Variants in ZNF790 observed in about 807,000 individuals in gnomAD.
ZNF790 encodes zinc finger protein 790.
ZNF790 carries 8 observed loss-of-function variants against 12.1 expected under a neutral mutation model. The observed-to-expected ratio is 0.66, with a 90% CI of 0.39 to 1.19. The LOEUF (loss-of-function observed/expected upper bound fraction) is 1.19, where lower values mean the gene tolerates loss of function less well. Ranked by LOEUF, ZNF790 falls within the 50% of genes most tolerant of loss-of-function variation. The pLI is 0.01. For missense variants in ZNF790, 707 were observed against 752.2 expected (o/e 0.94, Z 0.70); for synonymous variants, 252 against 244.3 (o/e 1.03, Z -0.29).
At chr19:36,849,124 A>C (rs1176992391) in intron 1 of ZNF790, among the ~76,000 whole-genome samples, 1 of 151,868 alleles carries the variant, frequency 6.6e-6, no homozygotes, top group East Asian at 1.9e-4. Flanking sequence ...GTTTGTAGAG[A>C]GTATGCTGTT....
intron 1 of ZNF790, among the ~76,000 whole-genome samples, chr19:36,844,656 T>A (rs1379154525): frequency 6.6e-6 from 1 of 151,994 alleles, no homozygotes. Flanking sequence ...ATATATAACC[T>A]AGAATTCTAT....
At chr19:36,844,787 G>T (rs2072161759) in intron 1 of ZNF790, among the ~76,000 whole-genome samples, 1 of 151,952 alleles carries the variant, frequency 6.6e-6, no homozygotes, top group South Asian at 2.1e-4. Flanking sequence ...GGTGGCTCAC[G>T]CCTGTAATCC....
At chr19:36,825,549 A>C in intron 2 of ZNF790, 62 bp downstream of exon 2, 1 of 1,541,958 alleles carries the variant, frequency 6.5e-7, no homozygotes, top group Non-Finnish European at 9.0e-7. Flanking sequence ...TAAGCAATAA[A>C]AATATTCACA....
chr19:36,846,572 A>AG (rs1568345217), intron 1 of ZNF790, among the ~76,000 whole-genome samples: 3 of 152,230 alleles, frequency 2.0e-5, no homozygotes, highest in Non-Finnish European at 4.4e-5. Flanking sequence ...TCAAAAAAAA[A>AG]AAGAGCTCAA....
intron 1 of ZNF790, among the ~76,000 whole-genome samples, chr19:36,846,285 G>A (rs2072179876): frequency 2.0e-5 from 3 of 152,126 alleles, no homozygotes; most frequent in Admixed American, 6.5e-5. Context: ...GAGGCCAGGC[G>A]CAGTGGCTCA....
chr19:36,840,050 C>G (rs368802483), upstream of ZNF790, among the ~76,000 whole-genome samples: 1 of 151,914 alleles, frequency 6.6e-6, no homozygotes, highest in Non-Finnish European at 1.5e-5. Context: ...GCGACAAGAG[C>G]GAAACTCCAT....
upstream of ZNF790, among the ~76,000 whole-genome samples, chr19:36,839,711 C>CCCAGCT (rs1210997582): frequency 6.6e-6 from 1 of 151,986 alleles, no homozygotes; most frequent in Admixed American, 6.6e-5. Context: ...ATTTCTGATA[C>CCCAGCT]CCAGCTCCAG....
chr19:36,839,389 CTTTT>C (rs907583687), upstream of ZNF790, among the ~76,000 whole-genome samples: 4 of 152,098 alleles, frequency 2.6e-5, no homozygotes, highest in African/African-American at 9.7e-5. Flanking sequence ...GATCATTTCT[CTTTT>C]TGTTTGTTTG....
intron 1 of ZNF790, among the ~76,000 whole-genome samples, chr19:36,849,799 GCCCCC>G (rs141424066): frequency 4.0e-5 from 6 of 150,300 alleles, no homozygotes; most frequent in Non-Finnish European, 8.9e-5. Context: ...ACACGATCTT[GCCCCC>G]CCCACCTCCA....
intron 1 of ZNF790, among the ~76,000 whole-genome samples, chr19:36,844,019 A>AT (rs1219942451): frequency 1.3e-5 from 2 of 149,652 alleles, no homozygotes; most frequent in African/African-American, 5.0e-5. Context: ...AAAAAAAAAA[A>AT]AAATTAAAAA....
At chr19:36,850,770 G>C (rs1371804043), upstream of ZNF790, 6 of 152,216 alleles carry the variant, frequency 3.9e-5, no homozygotes, top group Admixed American at 2.0e-4. Context: ...TGTAGCTTTC[G>C]GCAACCTGTC....
intron 2 of ZNF790, among the ~76,000 whole-genome samples, chr19:36,824,047 A>T (rs1173422440): frequency 2.3e-5 from 3 of 129,866 alleles, no homozygotes; most frequent in African/African-American, 9.2e-5. Flanking sequence ...CCCAGGCTGG[A>T]GTGCGGTGGT....
intron 1 of ZNF790, among the ~76,000 whole-genome samples, chr19:36,832,593 G>A (rs1600665048): frequency 6.6e-6 from 1 of 152,210 alleles, no homozygotes; most frequent in African/African-American, 2.4e-5. Flanking sequence ...TCTAGTCCCT[G>A]TTATGCCTTC....
intron 1 of ZNF790, among the ~76,000 whole-genome samples, chr19:36,827,344 C>T (rs1324650645): frequency 2.0e-5 from 3 of 151,706 alleles, no homozygotes; most frequent in Non-Finnish European, 2.9e-5. Context: ...GAGGAGAGGT[C>T]TCATGAAGCT....
At chr19:36,825,531 T>G in intron 2 of ZNF790, 80 bp downstream of exon 2, 1 of 1,409,226 alleles carries the variant, frequency 7.1e-7, no homozygotes, top group Non-Finnish European at 1.0e-6. Context: ...AGGTAAGCAG[T>G]TTAAGGATAA....
chr19:36,827,117 T>TACACACACACACACACACACACACACAC (rs760453936), intron 1 of ZNF790, among the ~76,000 whole-genome samples: 5 of 60,928 alleles, frequency 8.2e-5, no homozygotes, highest in Non-Finnish European at 1.3e-4. Context: ...TATATACACA[T>TACACACACACACACACACACACACACAC]ACACACACAC....
intron 1 of ZNF790, among the ~76,000 whole-genome samples, chr19:36,849,452 G>A (rs991828139): frequency 2.7e-4 from 41 of 151,694 alleles, no homozygotes; most frequent in Middle Eastern, 3.4e-3. Flanking sequence ...AGAGTATAGT[G>A]AAAAGGAAGT....
Position 36,820,072 on chromosome 19 carries a change from T to C in ZNF790, c.272A>G (p.Asn91Ser), listed in dbSNP as rs199914662. The C allele has an allele frequency of 3.1e-6, 5 of 1,609,100 alleles. No individual in the cohort carries two copies. The Admixed American group carries it at 6.7e-5, about 21-fold the overall frequency. ...GGCTATTTCTCTCTCAAAAATGCCA[T>C]TTTTTGGTAATAACTTCTTGGTCTG... is the stretch of plus-strand genomic sequence containing the variant. ...RCQTKKLLPKNGIFEREIAQL... is the reference protein window; with the variant it reads ...RCQTKKLLPKSGIFEREIAQL... The change falls in exon 5 of 5, where the codon AAT becomes AGT. Residue 91 changes from asparagine (N) to serine (S), a missense_variant. Physicochemically the swap from Asn to Ser is conservative, Grantham distance 46. Coordinates refer to ENST00000356725, the MANE Select transcript of ZNF790 (RefSeq NM_206894.4).
intron 1 of ZNF790, among the ~76,000 whole-genome samples, chr19:36,837,047 A>G (rs536952019): frequency 6.6e-6 from 1 of 152,136 alleles, no homozygotes; most frequent in African/African-American, 2.4e-5. Flanking sequence ...ATCCCACGCT[A>G]TCTCTCCAAA....
Sources: gnomAD v4.1 joint callset for allele counts (sites outside exome capture counted in the v4.1 genomes callset) on GRCh38, gnomAD v4.1.1 for gene constraint, MANE v1.5 for transcripts, NCBI Gene and HGNC (gene_info 2026-07-23, HGNC 2026-07-21) for gene names.